Variants in EBF2 observed in about 807,000 individuals in gnomAD.
EBF2 encodes transcription factor COE2.
EBF2 carries 21 observed loss-of-function variants against 72.8 expected under a neutral mutation model. That is an observed-to-expected ratio of 0.29 (90% confidence interval 0.20 to 0.42). The LOEUF (loss-of-function observed/expected upper bound fraction) is 0.42. EBF2 is among the 10% of genes least tolerant of loss of function. EBF2 has a pLI of 1.00. For synonymous variants in EBF2, 299 were observed against 274.2 expected, an observed-to-expected ratio of 1.09 and a Z score of -0.89; for missense variants, 637 against 731.2, an observed-to-expected ratio of 0.87 and a Z score of 1.49.
chr8:26,000,978 T>C (rs940257469), intron 6 of EBF2, among the ~76,000 whole-genome samples: 2 of 152,202 alleles, frequency 1.3e-5, no homozygotes, highest in Non-Finnish European at 2.9e-5. Flanking sequence ...AAATCAAACC[T>C]ACCTCAACGA....
intron 6 of EBF2, among the ~76,000 whole-genome samples, chr8:26,005,535 A>AAAATATAATATATATTATAAAATATAT (rs1804857784): frequency 5.7e-5 from 2 of 35,332 alleles, no homozygotes; most frequent in African/African-American, 1.3e-4. Context: ...TATATATTAT[A>AAAATATAATATATATTATAAAATATAT]TATATTTTAT....
At chr8:25,938,237 T>C (rs898511764) in intron 6 of EBF2, among the ~76,000 whole-genome samples, 3 of 152,098 alleles carry the variant, frequency 2.0e-5, no homozygotes, top group African/African-American at 4.8e-5. Context: ...AATTTTCTTT[T>C]TTTTCAAGAG....
intron 7 of EBF2, among the ~76,000 whole-genome samples, chr8:25,908,129 G>A (rs1486245104): frequency 2.6e-5 from 4 of 152,318 alleles, no homozygotes; most frequent in African/African-American, 7.2e-5. Context: ...AAAATACAGA[G>A]AAGCTGCTCT....
chr8:25,930,633 C>T (rs1306014876), intron 6 of EBF2, among the ~76,000 whole-genome samples: 1 of 152,150 alleles, frequency 6.6e-6, no homozygotes, highest in Non-Finnish European at 1.5e-5. Flanking sequence ...TTGACAGCAG[C>T]CTCATTCAAG....
intron 6 of EBF2, among the ~76,000 whole-genome samples, chr8:25,984,681 CAA>C (rs200616204): frequency 7.1e-6 from 1 of 141,372 alleles, no homozygotes; most frequent in African/African-American, 2.6e-5. Context: ...GACTCCATCT[CAA>C]AAAAAAAAAA....
At chr8:25,987,972 T>C (rs1192061273) in intron 6 of EBF2, among the ~76,000 whole-genome samples, 1 of 152,196 alleles carries the variant, frequency 6.6e-6, no homozygotes, top group East Asian at 1.9e-4. Context: ...ACTCTCATAA[T>C]TCACTGAATT....
chr8:25,962,500 G>A (rs980678043), intron 6 of EBF2, among the ~76,000 whole-genome samples: 2 of 151,108 alleles, frequency 1.3e-5, no homozygotes, highest in Non-Finnish European at 2.9e-5. Flanking sequence ...CCTATTACGG[G>A]TAACACCACA....
chr8:25,953,329 G>T (rs188308187), intron 6 of EBF2, among the ~76,000 whole-genome samples: 75 of 152,348 alleles, frequency 4.9e-4, no homozygotes, highest in African/African-American at 1.7e-3. Context: ...TTGGTTGAAT[G>T]AACGATTAAA....
chr8:25,847,752 A>C (rs547666051), intron 15 of EBF2, among the ~76,000 whole-genome samples: 9 of 152,300 alleles, frequency 5.9e-5, no homozygotes, highest in African/African-American at 2.2e-4. Context: ...GCACTCTTCC[A>C]GTGGCTAATA....
At chr8:25,852,145 A>C (rs1446362559) in intron 14 of EBF2, among the ~76,000 whole-genome samples, 2 of 152,186 alleles carry the variant, frequency 1.3e-5, no homozygotes, top group African/African-American at 2.4e-5. Flanking sequence ...AAGGAGAACA[A>C]AGTTCTGGAA....
At chr8:26,006,319 T>A (rs1296265085) in intron 6 of EBF2, among the ~76,000 whole-genome samples, 1 of 152,212 alleles carries the variant, frequency 6.6e-6, no homozygotes, top group Non-Finnish European at 1.5e-5. Context: ...GAGATCAACA[T>A]GTGTTCTATT....
At chr8:25,944,759 AATTAT>A (rs1803737806) in intron 6 of EBF2, among the ~76,000 whole-genome samples, 1 of 148,184 alleles carries the variant, frequency 6.7e-6, no homozygotes, top group African/African-American at 2.5e-5. Flanking sequence ...TTGTATATAT[AATTAT>A]ATATTATATT....
intron 10 of EBF2, among the ~76,000 whole-genome samples, chr8:25,869,332 G>A (rs1016409459): frequency 1.3e-5 from 2 of 152,062 alleles, no homozygotes; most frequent in Non-Finnish European, 2.9e-5. Flanking sequence ...TTGGAGACAG[G>A]GGAGCCTCAG....
intron 6 of EBF2, among the ~76,000 whole-genome samples, chr8:25,922,067 C>T (rs532095618): frequency 6.6e-6 from 1 of 152,288 alleles, no homozygotes; most frequent in East Asian, 1.9e-4. Flanking sequence ...TAGGATTTCT[C>T]ACTCCAGGTT....
intron 15 of EBF2, 63 bp from the exon 16 acceptor site, chr8:25,844,703 C>G (rs1801797215): frequency 1.9e-6 from 3 of 1,589,652 alleles, no homozygotes; most frequent in Non-Finnish European, 2.6e-6. Flanking sequence ...GGCTATGACA[C>G]AGAATGAGGG....
Position 25,998,802 on chromosome 8 carries a change from A to G in EBF2, c.551+34283T>C, listed in dbSNP as rs534153043. On this transcript the variant is annotated intron_variant, in intron 6 of 15. Coordinates refer to ENST00000520164, the MANE Select transcript of EBF2 (RefSeq NM_022659.4). Reference sequence around the variant, plus strand: ...AGGGATAACACATTACAAGAGGGCAATTAAGCACACTACCTGGCATTACAC... The same window carrying G: ...AGGGATAACACATTACAAGAGGGCAGTTAAGCACACTACCTGGCATTACAC... Among the ~76,000 whole-genome samples the G allele has an allele frequency of 7.3e-4, 111 of 152,322 alleles. 1 individual carries two copies. Among genetic ancestry groups the G allele is most frequent in the Admixed American group, 4.4e-3 (67 of 15,302 alleles).
chr8:25,975,814 G>A (rs1480058580), intron 6 of EBF2, among the ~76,000 whole-genome samples: 1 of 152,134 alleles, frequency 6.6e-6, no homozygotes, highest in African/African-American at 2.4e-5. Context: ...TTACTGGGGA[G>A]GGTTAATAGG....
At chr8:25,861,682 T>C (rs1802216171) in intron 11 of EBF2, among the ~76,000 whole-genome samples, 2 of 152,232 alleles carry the variant, frequency 1.3e-5, no homozygotes, top group South Asian at 4.1e-4. Context: ...TTCTATTAAA[T>C]GCTACTTTCA....
intron 13 of EBF2, 44 bp from the exon 14 acceptor site, chr8:25,858,548 C>G: frequency 6.3e-7 from 1 of 1,580,144 alleles, no homozygotes. Context: ...CAGGCGTGCA[C>G]AGTCAGGCCA....
Sources: allele counts gnomAD v4.1 joint callset (sites outside exome capture counted in the v4.1 genomes callset), GRCh38; gene constraint gnomAD v4.1.1; transcripts MANE v1.5; gene names NCBI Gene and HGNC (gene_info 2026-07-23, HGNC 2026-07-21).